The following GNL3L variants were observed in gnomAD, a reference collection of about 807,000 sequenced individuals.
The protein encoded by GNL3L is G protein nucleolar 3 like.
In GNL3L, 4 loss-of-function variants were observed where a neutral mutation model predicts 42.9. That is an observed-to-expected ratio of 0.09 (90% CI 0.05 to 0.21). The LOEUF is 0.21. Ranked by LOEUF, GNL3L falls within the 10% of genes least tolerant of loss-of-function variation. The pLI, the probability that GNL3L is intolerant of heterozygous loss-of-function variation, is 1.00. For synonymous variants in GNL3L, 159 were observed against 176.3 expected (o/e 0.90, Z 0.78); for missense variants, 412 against 481.7 (o/e 0.86, Z 1.36).
In GNL3L at chrX:54,564,731, C is replaced by CTT. The variant is rs781526946; in HGVS notation, c.*4148_*4149dup. Among the ~76,000 whole-genome samples, 71 of 71,887 alleles carry CTT rather than the reference C, an allele frequency of 9.9e-4. 2 individuals carry two copies. The highest frequency in any genetic ancestry group is 3.0e-3 in the African/African-American group (52 of 17,260). 62.4% of individuals were successfully genotyped at this position (71,887 alleles called of 115,157 possible). On this transcript the variant is annotated 3_prime_UTR_variant, in exon 16 of 16. Transcript: ENST00000360845. ...TTTTTCTTTGTTCTTATATTTTTGT[C>CTT]TTTTTTTTTTTTTTTTTTTTGAAAC...
intron 16 of GNL3L, among the ~76,000 whole-genome samples, chrX:54,590,191 GC>G (rs1211082979): frequency 8.9e-6 from 1 of 111,799 alleles, no homozygotes; most frequent in Non-Finnish European, 1.9e-5. Flanking sequence ...GCCCGCCTCG[GC>G]CTCCCAAAGT....
chrX:54,551,252 GC>G (rs1924928411), intron 10 of GNL3L, among the ~76,000 whole-genome samples: 1 of 112,308 alleles, frequency 8.9e-6, no homozygotes, highest in Admixed American at 9.4e-5. Flanking sequence ...TCCCATTAGC[GC>G]CTTGAAGCTT....
chrX:54,612,178 C>T (rs1926169489), intron 16 of GNL3L, among the ~76,000 whole-genome samples: 1 of 111,588 alleles, frequency 9.0e-6, no homozygotes, highest in Non-Finnish European at 1.9e-5. Context: ...ATATAATGTC[C>T]CTCTTTGTCT....
At chrX:54,547,198 C>T (rs927398496) in intron 8 of GNL3L, among the ~76,000 whole-genome samples, 6 of 105,430 alleles carry the variant, frequency 5.7e-5, no homozygotes, top group African/African-American at 1.7e-4. Context: ...GGTTTTGCCA[C>T]GTTGGCCAGG....
At chrX:54,592,271 G>A (rs1925880997) in intron 16 of GNL3L, among the ~76,000 whole-genome samples, 1 of 111,801 alleles carries the variant, frequency 8.9e-6, no homozygotes, top group Non-Finnish European at 1.9e-5. Context: ...ATAATTTGAT[G>A]TCTTCCTTTC....
chrX:54,620,966 C>G (rs1454566152), exon 17 of GNL3L, among the ~76,000 whole-genome samples: 1 of 112,243 alleles, frequency 8.9e-6, no homozygotes, highest in African/African-American at 3.2e-5. Context: ...TCAAGAAAAA[C>G]TTTTCTGGGA....
At position 54,551,059 on chromosome X, in the gene GNL3L, C is replaced by T. The variant is rs1320640107; in HGVS notation, c.863+9C>T. 2 of 922,585 alleles carry T rather than the reference C, an allele frequency of 2.2e-6. No individual in the cohort carries two copies. Among genetic ancestry groups the T allele is most frequent in the Non-Finnish European group, 3.2e-6 (2 of 633,080 alleles). 76.0% of individuals were successfully genotyped at this position (922,585 alleles called of 1,213,427 possible). On this transcript the variant is annotated intron_variant, in intron 10 of 15. Coordinates refer to ENST00000360845, the MANE Select transcript of GNL3L (RefSeq NM_001184819.2). The stretch of plus-strand genomic sequence containing the variant: ...GTTCCTGGAATTACCAAGTAAGCAC[C>T]TGCCTGCTCCTCCACTCCACAATTC...
chrX:54,628,785 G>T, the GNL3L span, among the ~76,000 whole-genome samples: 1 of 107,784 alleles, frequency 9.3e-6, no homozygotes, highest in African/African-American at 3.4e-5. Context: ...CAGATGCATA[G>T]TTTGCAGGTA....
At chrX:54,547,446 C>G (rs961032456) in intron 8 of GNL3L, among the ~76,000 whole-genome samples, 3 of 110,764 alleles carry the variant, frequency 2.7e-5, no homozygotes, top group Non-Finnish European at 5.7e-5. Context: ...GGCTCATGCC[C>G]GTAATCCCAG....
Position 54,562,979 on chromosome X carries a change from G to A in GNL3L, c.*2377G>A, listed in dbSNP as rs1028794814. 1.6e-4 allele frequency among the ~76,000 whole-genome samples: 18 copies of A among 110,829 alleles called. No individual in the cohort carries two copies. The highest frequency in any genetic ancestry group is 3.2e-4 in the Non-Finnish European group (17 of 53,057). The stretch of plus-strand genomic sequence containing the variant: ...TGTGCCAGTCTCTGTTATCAAGTCC[G>A]TTAAATGCATTTAACGTTAAATTTT... On this transcript the variant is annotated 3_prime_UTR_variant, in exon 16 of 16. Transcript: ENST00000360845.
chrX:54,550,870 G>A, intron 9 of GNL3L, 93 bp from the exon 10 acceptor site: 2 of 559,478 alleles, frequency 3.6e-6, no homozygotes, highest in Non-Finnish European at 6.1e-6. Context: ...CCATGGCCTG[G>A]TTACTACCCC....
chrX:54,565,817 C>G lies in GNL3L; in HGVS notation c.*5215C>G, dbSNP rs1221571846. Among the ~76,000 whole-genome samples, 1 of 99,541 alleles carries G rather than the reference C, an allele frequency of 1.0e-5. No individual in the cohort carries two copies. The highest frequency in any genetic ancestry group is 1.1e-4 in the Admixed American group (1 of 9,088). 86.4% of individuals were successfully genotyped at this position (99,541 alleles called of 115,157 possible). On this transcript the variant is annotated 3_prime_UTR_variant, in exon 16 of 16. Coordinates refer to ENST00000360845, the MANE Select transcript of GNL3L (RefSeq NM_001184819.2). Reference sequence around the variant, plus strand: ...AATTTTGAGGATTATATGCTGGATACAGGGGTGTTTTTTTTTTTTTTTTTT... The same window carrying G: ...AATTTTGAGGATTATATGCTGGATAGAGGGGTGTTTTTTTTTTTTTTTTTT...
chrX:54,539,986 A>C (rs1250778044), intron 3 of GNL3L, 149 bp from the exon 4 acceptor site: 1 of 460,440 alleles, frequency 2.2e-6, no homozygotes, highest in Non-Finnish European at 3.9e-6. Context: ...TCACCTTGGG[A>C]GTGAGGGGAT....
intron 16 of GNL3L, among the ~76,000 whole-genome samples, chrX:54,581,556 C>G (rs1177752742): frequency 8.9e-6 from 1 of 112,499 alleles, no homozygotes; most frequent in Non-Finnish European, 1.9e-5. Flanking sequence ...TTTATAGCCA[C>G]CCACTTCTTT....
At chrX:54,584,427 T>C (rs1602001376) in intron 16 of GNL3L, among the ~76,000 whole-genome samples, 1 of 111,917 alleles carries the variant, frequency 8.9e-6, no homozygotes, top group South Asian at 3.7e-4. Context: ...TGTATAATGA[T>C]CAAATCAGGG....
chrX:54,620,540 G>A lies in GNL3L; in HGVS notation c.*46-305G>A, dbSNP rs1926274977. Among the ~76,000 whole-genome samples the A allele has an allele frequency of 2.7e-5, 3 of 111,952 alleles. No individual in the cohort carries two copies. In the South Asian group the frequency reaches 1.1e-3, roughly 41 times the overall value. On this transcript the variant is annotated intron_variant, in intron 16 of 16. Coordinates refer to the GNL3L transcript ENST00000674498. Reference sequence around the variant, plus strand: ...ATTTTTCTTTATCCATTCATCTGTTGATGGACACTTAAGCTGCTTCCAAAT... The same window carrying A: ...ATTTTTCTTTATCCATTCATCTGTTAATGGACACTTAAGCTGCTTCCAAAT...
chrX:54,573,722 C>T (rs1925593544), intron 16 of GNL3L, among the ~76,000 whole-genome samples: 1 of 111,040 alleles, frequency 9.0e-6, no homozygotes, highest in Non-Finnish European at 1.9e-5. Context: ...ATTTTTTATT[C>T]CTCTATTTAC....
chrX:54,573,297 A>T (rs1487346430), intron 16 of GNL3L, among the ~76,000 whole-genome samples: 1 of 113,228 alleles, frequency 8.8e-6, no homozygotes, highest in African/African-American at 3.2e-5. Context: ...CAATCCCGGC[A>T]CCTCGGGAGG....
chrX:54,579,630 C>T lies in GNL3L; in HGVS notation c.*45+18983C>T, dbSNP rs182959439. ...CTGTTCTTGATCTTGAACTCTTGGG[C>T]TCAAGAGATCCTCCTGCCTAAGCCA... is the stretch of plus-strand genomic sequence containing the variant. On this transcript the variant is annotated intron_variant, in intron 16 of 16. Coordinates refer to the GNL3L transcript ENST00000674498. Among the ~76,000 whole-genome samples the T allele has an allele frequency of 4.6e-3, 521 of 112,081 alleles. 2 individuals carry two copies. Among genetic ancestry groups the T allele is most frequent in the African/African-American group, 0.015 (475 of 30,866 alleles).
Sources: allele counts gnomAD v4.1 joint callset (sites outside exome capture counted in the v4.1 genomes callset), GRCh38; gene constraint gnomAD v4.1.1; transcripts MANE v1.5; gene names NCBI Gene and HGNC (gene_info 2026-07-23, HGNC 2026-07-21).